SNX29: variants seen among roughly 807,000 people sequenced by gnomAD.
The protein encoded by SNX29 is sorting nexin 29, also known as sorting nexin-29.
In SNX29, 78 loss-of-function variants were observed where a neutral mutation model predicts 102.1. The ratio of observed to expected loss-of-function variants is 0.76; its 90% CI spans 0.64 to 0.92. The LOEUF (loss-of-function observed/expected upper bound fraction) is 0.92. Among genes scored for constraint, SNX29 ranks in the 40% least tolerant of loss-of-function variants. SNX29 has a pLI of 0.00. For synonymous variants in SNX29, 580 were observed against 414.5 expected (o/e 1.40, Z -4.85); for missense variants, 1,280 against 1,061.7 (o/e 1.21, Z -2.86).
intron 4 of SNX29, among the ~76,000 whole-genome samples, chr16:12,035,130 CTT>C (rs946085721): frequency 1.3e-5 from 2 of 151,746 alleles, no homozygotes; most frequent in Admixed American, 1.3e-4. Context: ...GTAAATGACT[CTT>C]CAGCTCATGA....
chr16:12,398,973 A>G (rs1387835655), intron 17 of SNX29, among the ~76,000 whole-genome samples: 1 of 152,162 alleles, frequency 6.6e-6, no homozygotes, highest in Non-Finnish European at 1.5e-5. Context: ...ACAGTAGTCC[A>G]TGCCTTGGTC....
intron 11 of SNX29, among the ~76,000 whole-genome samples, chr16:12,124,094 A>G (rs1328090629): frequency 6.6e-6 from 1 of 152,226 alleles, no homozygotes; most frequent in Non-Finnish European, 1.5e-5. Context: ...GCGGGGGCTC[A>G]CGCCTGTAAT....
intron 16 of SNX29, among the ~76,000 whole-genome samples, chr16:12,365,911 G>C (rs1288514833): frequency 6.6e-6 from 1 of 151,488 alleles, no homozygotes; most frequent in African/African-American, 2.4e-5. Flanking sequence ...GCGTGGTGGC[G>C]GGCGCTTGTA....
At chr16:12,539,823 C>G (rs1274673814) in intron 20 of SNX29, among the ~76,000 whole-genome samples, 1 of 152,194 alleles carries the variant, frequency 6.6e-6, no homozygotes, top group Non-Finnish European at 1.5e-5. Context: ...TTTCCTTTAA[C>G]ACATCCTCTT....
Position 12,568,518 on chromosome 16 carries a change from G to T in SNX29, c.2331G>T (p.Pro777=), listed in dbSNP as rs200226941. The change falls in exon 21 of 21, where the codon CCG becomes CCT. Residue 777 remains proline (P), a synonymous_variant. Coordinates refer to ENST00000566228, the MANE Select transcript of SNX29 (RefSeq NM_032167.5). ...QLMPFFVDIT[P]PGEPVNSRPK... Reference sequence around the variant, plus strand: ...CCTGCTCTTTCAGCGACATCACCCCGCCCGGAGAGCCTGTGAACAGCCGGC... The same window carrying T: ...CCTGCTCTTTCAGCGACATCACCCCTCCCGGAGAGCCTGTGAACAGCCGGC... 1.4e-5 allele frequency: 23 copies of T among 1,609,740 alleles called. No individual in the cohort carries two copies. The African/African-American group carries it at 1.6e-4, about 11-fold the overall frequency.
rs71408237 is a variant in SNX29 at position 12,107,338 on chromosome 16, G to GGT, written c.1403-19295_1403-19294insGT. On this transcript the variant is annotated intron_variant, in intron 11 of 20. Coordinates refer to ENST00000566228, the MANE Select transcript of SNX29 (RefSeq NM_032167.5). ...AATCTGACTGACCACAGCACTGTGG[G>GGT]TTTTTTTTTTTTTTTTTTAAAACGT... is the stretch of plus-strand genomic sequence containing the variant. Among the ~76,000 whole-genome samples, 68 of 137,284 alleles carry GGT rather than the reference G, an allele frequency of 5.0e-4. No individual in the cohort carries two copies. The East Asian group carries it at 9.5e-3, about 19-fold the overall frequency. 90.1% of individuals were successfully genotyped at this position (137,284 alleles called of 152,430 possible). A position where few individuals can be genotyped will look rare whatever the true frequency, so the allele number is the denominator to read the frequency against.
chr16:12,106,884 T>G (rs994901657), intron 11 of SNX29, among the ~76,000 whole-genome samples: 2 of 152,096 alleles, frequency 1.3e-5, no homozygotes, highest in Non-Finnish European at 2.9e-5. Flanking sequence ...GGCACGATTA[T>G]GGCTCCCTGC....
chr16:12,430,197 T>C (rs1489238505), intron 18 of SNX29, among the ~76,000 whole-genome samples: 1 of 152,158 alleles, frequency 6.6e-6, no homozygotes, highest in South Asian at 2.1e-4. Flanking sequence ...AAACCATCAG[T>C]TCCCCCCCCA....
intron 19 of SNX29, among the ~76,000 whole-genome samples, chr16:12,497,888 A>G (rs1010768795): frequency 1.2e-4 from 19 of 152,128 alleles, no homozygotes; most frequent in African/African-American, 3.9e-4. Flanking sequence ...AGCGACTGTG[A>G]TTGGCCAGGT....
Position 12,051,899 on chromosome 16 carries a change from C to T in SNX29, c.801C>T (p.Ile267=). The change falls in exon 8 of 21, where the codon ATC becomes ATT. Residue 267 remains isoleucine (I), a synonymous_variant. Coordinates refer to ENST00000566228, the MANE Select transcript of SNX29 (RefSeq NM_032167.5). ...RKKKKKVTNI[I]SFDDEEDEQN... is the part of the protein sequence containing the mutation. ...AGAAAAAGAAAGTGACCAACATAAT[C>T]TCATTTGATGATGAGGAAGATGAGC... The T allele has an allele frequency of 6.2e-7, 1 of 1,612,656 alleles. No homozygotes were observed.
At chr16:12,276,250 G>A (rs1350944441) in intron 14 of SNX29, among the ~76,000 whole-genome samples, 2 of 152,122 alleles carry the variant, frequency 1.3e-5, no homozygotes, top group African/African-American at 2.4e-5. Flanking sequence ...ACTGTGTTCA[G>A]GCTCTCATCT....
chr16:12,426,068 G>T (rs1032887914), intron 18 of SNX29, among the ~76,000 whole-genome samples: 4 of 151,546 alleles, frequency 2.6e-5, no homozygotes, highest in Admixed American at 1.3e-4. Flanking sequence ...AAAATATTTG[G>T]TTTTTTAGTT....
chr16:12,457,039 G>C (rs1284024932), intron 18 of SNX29, among the ~76,000 whole-genome samples: 1 of 152,202 alleles, frequency 6.6e-6, no homozygotes, highest in Non-Finnish European at 1.5e-5. Flanking sequence ...CTTCTAGTGG[G>C]CAGTAAGCTG....
intron 16 of SNX29, among the ~76,000 whole-genome samples, chr16:12,388,061 C>T (rs1225905927): frequency 2.6e-5 from 4 of 152,230 alleles, no homozygotes; most frequent in African/African-American, 7.2e-5. Flanking sequence ...CATACACATG[C>T]TCGGATTGCC....
intron 15 of SNX29, among the ~76,000 whole-genome samples, chr16:12,278,506 T>A (rs2079328719): frequency 6.6e-6 from 1 of 151,918 alleles, no homozygotes; most frequent in South Asian, 2.1e-4. Flanking sequence ...TGGAATAAAG[T>A]TGTACAAATT....
At chr16:12,368,659 A>T (rs1052767283) in intron 16 of SNX29, among the ~76,000 whole-genome samples, 1 of 152,196 alleles carries the variant, frequency 6.6e-6, no homozygotes, top group Non-Finnish European at 1.5e-5. Flanking sequence ...CTTTCCTGCC[A>T]CTGATCCTGA....
At chr16:12,377,632 C>T (rs1011644345) in intron 16 of SNX29, among the ~76,000 whole-genome samples, 4 of 152,016 alleles carry the variant, frequency 2.6e-5, no homozygotes, top group Non-Finnish European at 4.4e-5. Context: ...GCGCCCGGTA[C>T]GTAGTAGGCA....
At chr16:11,989,379 A>G (rs187537886) in intron 1 of SNX29, among the ~76,000 whole-genome samples, 1 of 152,352 alleles carries the variant, frequency 6.6e-6, no homozygotes, top group African/African-American at 2.4e-5. Context: ...GTCTGCATGC[A>G]GAGCCTGTCT....
intron 20 of SNX29, 58 bp from the exon 21 acceptor site, chr16:12,568,448 C>T (rs554077844): frequency 1.2e-4 from 189 of 1,597,300 alleles, no homozygotes; most frequent in Non-Finnish European, 1.6e-4. Context: ...CCTTCCTGGC[C>T]TGTGGTCATT....
Sources: allele counts gnomAD v4.1 joint callset (sites outside exome capture counted in the v4.1 genomes callset), GRCh38; gene constraint gnomAD v4.1.1; transcripts MANE v1.5; gene names NCBI Gene and HGNC (gene_info 2026-07-23, HGNC 2026-07-21).